MRPS26: variants seen among roughly 807,000 people sequenced by gnomAD.
MRPS26 encodes mitochondrial ribosomal protein S26, also known as small ribosomal subunit protein mS26.
In MRPS26, 26 loss-of-function variants were observed where a neutral mutation model predicts 22.7. The ratio of observed to expected loss-of-function variants is 1.15; its 90% CI spans 0.84 to 1.59. The LOEUF (loss-of-function observed/expected upper bound fraction) is 1.59, where lower values mean the gene tolerates loss of function less well. Among genes scored for constraint, MRPS26 ranks in the 40% most tolerant of loss-of-function variants. The pLI, the probability that MRPS26 is intolerant of heterozygous loss-of-function variation, is 0.00. For missense variants in MRPS26, 291 were observed against 287.7 expected, an observed-to-expected ratio of 1.01 and a Z score of -0.08; for synonymous variants, 120 against 124.0, an observed-to-expected ratio of 0.97 and a Z score of 0.22.
Position 3,046,165 on chromosome 20 carries a change from C to CCGCT in MRPS26, c.98_101dup (p.Lys36GlyfsTer176). The CCGCT allele has an allele frequency of 6.3e-7, 1 of 1,598,438 alleles. No individual in the cohort carries two copies. The highest frequency in any genetic ancestry group is 8.5e-7 in the Non-Finnish European group (1 of 1,179,360). On this transcript the variant is annotated frameshift_variant, in exon 1 of 4. Transcript: ENST00000380325. LOFTEE classifies it high-confidence loss of function. ...GCGCGGCCGCAAGACCCGCCACGAC[C>CCGCT]CGCTGGCCAAATCCAAGATCGAGCG...
In MRPS26 at chr20:3,047,407, T is replaced by G. The variant is rs1000917831; in HGVS notation, c.484-328T>G. On this transcript the variant is annotated intron_variant, in intron 3 of 3. Coordinates refer to ENST00000380325, the MANE Select transcript of MRPS26 (RefSeq NM_030811.4). ...GTCTCAAAATAAATAAATAAATAAA[T>G]AAATAAAGTAATGGGGGGAAGGATG... Among the ~76,000 whole-genome samples the G allele has an allele frequency of 5.9e-5, 9 of 151,752 alleles. 1 individual carries two copies. Among genetic ancestry groups the G allele is most frequent in the African/African-American group, 1.9e-4 (8 of 41,380 alleles).
chr20:3,046,376 G>T lies in MRPS26; in HGVS notation c.216G>T (p.Met72Ile), dbSNP rs758969286. ...HYRQTVRALR[M>I]EFVSEVQRKV... ...TTCCTGGCGCGTCTGCACCCAGGAT[G>T]GAGTTCGTGTCCGAGGTGCAGAGGA... The change falls in exon 2 of 4, where the codon ATG (methionine) becomes ATT (isoleucine). Residue 72 changes from methionine (M) to isoleucine (I), a missense_variant. Transcript: ENST00000380325. 6.2e-7 allele frequency: 1 copy of T among 1,609,142 alleles called. No individual in the cohort carries two copies. The highest frequency in any genetic ancestry group is 2.2e-5 in the East Asian group (1 of 44,744).
In MRPS26 at chr20:3,046,720, G is replaced by T. The variant is rs1175423550; in HGVS notation, c.466G>T (p.Glu156Ter). The T allele has an allele frequency of 1.3e-6, 2 of 1,543,042 alleles. No individual in the cohort carries two copies. Among genetic ancestry groups the T allele is most frequent in the East Asian group, 2.4e-5 (1 of 40,874 alleles). Residue 156 changes from glutamate to a stop codon, truncating the protein, a stop_gained, in exon 3 of 4, where the codon GAA becomes TAA. Coordinates refer to ENST00000380325, the MANE Select transcript of MRPS26 (RefSeq NM_030811.4). LOFTEE classifies it high-confidence loss of function. ...GGCCTGGGCGCAGCGCAAGGAGCGGGAAGTGCTGCAGCTGCAGGTGGGCAA... is the reference window on the plus strand; with the variant it reads ...GGCCTGGGCGCAGCGCAAGGAGCGGTAAGTGCTGCAGCTGCAGGTGGGCAA... ...VQAWAQRKER[E>*]VLQLQEEVKN...
chr20:3,046,519 G>A lies in MRPS26; in HGVS notation c.359G>A (p.Arg120Gln), dbSNP rs756738500. Residue 120 changes from arginine to glutamine, a missense_variant and splice_region_variant, in exon 2 of 4, where the codon CGG becomes CAG. Physicochemically the swap from Arg to Gln is conservative, Grantham distance 43 (BLOSUM62 1). Transcript: ENST00000380325. ...QAENRRLHEL[R>Q]IARLRQEERE... ...GAGAACCGGCGGCTGCACGAGCTGC[G>A]GTGCGTGGGGCGGGAGGCGGGGCGG... 1.9e-6 allele frequency: 3 copies of A among 1,541,316 alleles called. No individual in the cohort carries two copies. The East Asian group carries it at 7.2e-5, about 37-fold the overall frequency.
In MRPS26 at chr20:3,046,913, A is replaced by G. The variant is rs576439486; in HGVS notation, c.483+176A>G. Among the ~76,000 whole-genome samples, 9 of 152,324 alleles carry G rather than the reference A, an allele frequency of 5.9e-5. No individual in the cohort carries two copies. The South Asian group carries it at 6.2e-4, about 11-fold the overall frequency. On this transcript the variant is annotated intron_variant, in intron 3 of 3. Transcript: ENST00000380325. ...CAAAGACCCGGAGGTGAGCGGAGTA[A>G]TTGGACAGTGTTCAGGTACCTAGCA...
Position 3,048,164 on chromosome 20 carries a change from C to T in MRPS26, c.*295C>T, listed in dbSNP as rs530319086. The T allele has an allele frequency of 3.9e-5, 11 of 285,290 alleles. No homozygotes were observed. Among genetic ancestry groups the T allele is most frequent in the African/African-American group, 2.4e-4 (11 of 45,448 alleles). The allele number at this position is 285,290 out of a possible 1,614,324, so 17.7% of individuals were successfully genotyped here. A position where few individuals can be genotyped will look rare whatever the true frequency, so the allele number is the denominator to read the frequency against. ...TCAGGCAGCCAGGTCATCTGAGTATCATTAAGAGTAGTGATGGGAAGATTA... is the reference window on the plus strand; with the variant it reads ...TCAGGCAGCCAGGTCATCTGAGTATTATTAAGAGTAGTGATGGGAAGATTA... On this transcript the variant is annotated 3_prime_UTR_variant, in exon 4 of 4. Coordinates refer to ENST00000380325, the MANE Select transcript of MRPS26 (RefSeq NM_030811.4). This position sits in a 1 kb window ranked among gnomAD's most constrained non-coding sequence, Gnocchi z 4.1.
At chr20:3,047,637 G>C (rs1009821832) in intron 3 of MRPS26, 98 bp from the exon 4 acceptor site, 14 of 1,512,914 alleles carry the variant, frequency 9.3e-6, no homozygotes, top group Non-Finnish European at 1.2e-5. Context: ...GGGAGAGCAG[G>C]AGCTGCTTTC....
At position 3,047,791 on chromosome 20, in the gene MRPS26, AT is replaced by A; in HGVS notation, c.542del (p.Leu181TrpfsTer135). 6.2e-7 allele frequency: 1 copy of A among 1,613,896 alleles called. No homozygotes were observed. ...ACCTGGAGGCACGGGTGGAAGCAGC[AT>A]TGGACTCCCGGAAGAACTACAACTG... ...ENLEARVEAA[L>X]DSRKNYNWAI... On this transcript the variant is annotated frameshift_variant, in exon 4 of 4. Transcript: ENST00000380325. LOFTEE classifies it high-confidence loss of function.
rs752225725 is a variant in MRPS26 at position 3,046,634 on chromosome 20, AGGAGCG to A, written c.386_391del (p.Arg129_Glu130del). On this transcript the variant is annotated inframe_deletion, in exon 3 of 4. Coordinates refer to ENST00000380325, the MANE Select transcript of MRPS26 (RefSeq NM_030811.4). Reference sequence around the variant, plus strand: ...CACAGGATAGCGAGGCTGCGGCAGGAGGAGCGGGAGCAGGAGCAGCGGCAGGCGTTG... The same window carrying A: ...CACAGGATAGCGAGGCTGCGGCAGGAGGAGCAGGAGCAGCGGCAGGCGTTG... 21 of 1,539,566 alleles carry A rather than the reference AGGAGCG, an allele frequency of 1.4e-5. No individual in the cohort carries two copies. Among genetic ancestry groups the A allele is most frequent in the Non-Finnish European group, 8.8e-7 (1 of 1,139,254 alleles).
At position 3,046,358 on chromosome 20, in the gene MRPS26, C is replaced by T. The variant is rs562701964; in HGVS notation, c.213-15C>T. 1.9e-6 allele frequency: 3 copies of T among 1,608,090 alleles called. No homozygotes were observed. Among genetic ancestry groups the T allele is most frequent in the East Asian group, 4.5e-5 (2 of 44,732 alleles). Reference sequence around the variant, plus strand: ...GGGCGGAGAGGGTGCTGATTCCTGGCGCGTCTGCACCCAGGATGGAGTTCG... The same window carrying T: ...GGGCGGAGAGGGTGCTGATTCCTGGTGCGTCTGCACCCAGGATGGAGTTCG... On this transcript the variant is annotated splice_polypyrimidine_tract_variant and intron_variant, in intron 1 of 3. Transcript: ENST00000380325.
intron 2 of MRPS26, 30 bp downstream of exon 2, chr20:3,046,549 G>A (rs1365757370): frequency 2.6e-6 from 4 of 1,511,646 alleles, no homozygotes; most frequent in Admixed American, 2.1e-5. Flanking sequence ...GGGCGGGGCG[G>A]CGCGGCCTGG....
intron 3 of MRPS26, among the ~76,000 whole-genome samples, 153 bp downstream of exon 3, chr20:3,046,890 A>G (rs561369309): frequency 1.3e-5 from 2 of 152,336 alleles, no homozygotes; most frequent in South Asian, 4.1e-4. Flanking sequence ...GTCAGGCGCA[A>G]AGACCCGGAG....
In MRPS26 at chr20:3,046,219, G is replaced by A. The variant is rs749756245; in HGVS notation, c.151G>A (p.Ala51Thr). The part of the protein sequence containing the change: ...RVNMPPAVDP[A>T]EFFVLMERYQ... ...GAACATGCCGCCCGCGGTGGACCCT[G>A]CGGAGTTCTTCGTGCTGATGGAGCG... Residue 51 changes from alanine to threonine, a missense_variant, in exon 1 of 4, where the codon GCG (alanine) becomes ACG (threonine). Coordinates refer to ENST00000380325, the MANE Select transcript of MRPS26 (RefSeq NM_030811.4). 1.3e-5 allele frequency: 21 copies of A among 1,604,260 alleles called. No homozygotes were observed. The highest frequency in any genetic ancestry group is 1.8e-5 in the Non-Finnish European group (21 of 1,179,652).
chr20:3,046,117 C>A lies in MRPS26; in HGVS notation c.49C>A (p.Arg17=). 1 of 1,576,390 alleles carries A rather than the reference C, an allele frequency of 6.3e-7. No homozygotes were observed. Among genetic ancestry groups the A allele is most frequent in the East Asian group, 2.3e-5 (1 of 43,294 alleles). Residue 17 remains arginine, a synonymous_variant, in exon 1 of 4, where the codon CGG becomes AGG. Transcript: ENST00000380325. ...RLGAGTPCRP[R]APLVLPARGR... The stretch of plus-strand genomic sequence containing the variant: ...GGGCGCGGGGACCCCGTGCAGGCCC[C>A]GGGCCCCTCTGGTGCTGCCAGCGCG...
Position 3,047,966 on chromosome 20 carries a change from G to T in MRPS26, c.*97G>T, listed in dbSNP as rs2065996931. On this transcript the variant is annotated 3_prime_UTR_variant, in exon 4 of 4. Transcript: ENST00000380325. ...ATAAAGCAGTTGGTGTTGCTTATGA[G>T]GAAGGTTCAGCCTTATCCAGCACAG... 11 of 1,422,288 alleles carry T rather than the reference G, an allele frequency of 7.7e-6. No individual in the cohort carries two copies. Among genetic ancestry groups the T allele is most frequent in the Non-Finnish European group, 9.3e-7 (1 of 1,071,346 alleles). The allele number at this position is 1,422,288 out of a possible 1,614,324, so 88.1% of individuals were successfully genotyped here.
intron 3 of MRPS26, 105 bp from the exon 4 acceptor site, chr20:3,047,630 A>G: frequency 6.7e-7 from 1 of 1,499,334 alleles, no homozygotes; most frequent in African/African-American, 1.4e-5. Context: ...TTCCCCAGGG[A>G]GAGCAGGAGC....
chr20:3,046,545 G>C, intron 2 of MRPS26, 26 bp downstream of exon 2: 1 of 1,513,154 alleles, frequency 6.6e-7, no homozygotes, highest in South Asian at 1.3e-5. Context: ...GGCGGGGCGG[G>C]GCGGCGCGGC....
At chr20:3,046,842 T>TA (rs2148557183) in intron 3 of MRPS26, 105 bp downstream of exon 3, 1 of 1,471,174 alleles carries the variant, frequency 6.8e-7, no homozygotes, top group Admixed American at 2.2e-5. Flanking sequence ...TGCAGAGACT[T>TA]ACAGTTGGCA....
chr20:3,047,259 T>A (rs985948628), intron 3 of MRPS26, among the ~76,000 whole-genome samples: 2 of 152,030 alleles, frequency 1.3e-5, no homozygotes, highest in African/African-American at 2.4e-5. Context: ...GGGCGTGGTG[T>A]GCGCCAGTAA....
Sources: gnomAD v4.1 joint callset for allele counts (sites outside exome capture counted in the v4.1 genomes callset) on GRCh38, gnomAD v4.1.1 for gene constraint, Gnocchi (gnomAD v3.1) non-coding constraint, MANE v1.5 for transcripts, NCBI Gene and HGNC (gene_info 2026-07-23, HGNC 2026-07-21) for gene names.